The following STK39 variants were observed in gnomAD, a reference collection of about 807,000 sequenced individuals.
The protein encoded by STK39 is serine/threonine kinase 39, also known as STE20/SPS1-related proline-alanine-rich protein kinase.
A neutral mutation model predicts 77.8 loss-of-function variants in STK39; 20 were observed. The observed-to-expected ratio is 0.26, with a 90% CI of 0.18 to 0.37. STK39 has a LOEUF of 0.37. STK39 is among the 10% of genes least tolerant of loss of function. The probability of loss-of-function intolerance (pLI) is 1.00; values close to 1 mark genes in which losing one functional copy is unlikely to be tolerated. For synonymous variants in STK39, 246 were observed against 234.1 expected, an observed-to-expected ratio of 1.05 and a Z score of -0.47; for missense variants, 479 against 656.5, an observed-to-expected ratio of 0.73 and a Z score of 2.95.
chr2:167,962,293 T>TA (rs760652069), intron 17 of STK39, among the ~76,000 whole-genome samples: 1 of 152,198 alleles, frequency 6.6e-6, no homozygotes, highest in Non-Finnish European at 1.5e-5. Flanking sequence ...TGAATGAAGG[T>TA]AAATACATTT....
At chr2:168,190,588 A>G (rs1483157456) in intron 1 of STK39, among the ~76,000 whole-genome samples, 1 of 152,160 alleles carries the variant, frequency 6.6e-6, no homozygotes, top group Non-Finnish European at 1.5e-5. Flanking sequence ...GGCTAATATA[A>G]ACTAGGGACT....
chr2:168,026,950 T>A (rs1384071316), intron 14 of STK39, among the ~76,000 whole-genome samples: 1 of 152,192 alleles, frequency 6.6e-6, no homozygotes, highest in East Asian at 1.9e-4. Context: ...AGATCTGGTC[T>A]CTACACACAC....
chr2:168,236,133 T>C (rs1423273050), intron 1 of STK39, among the ~76,000 whole-genome samples: 3 of 152,106 alleles, frequency 2.0e-5, no homozygotes, highest in Non-Finnish European at 4.4e-5. Context: ...CCTGACTTTT[T>C]AATGATCACC....
At chr2:168,046,846 A>C (rs1276472584) in intron 14 of STK39, among the ~76,000 whole-genome samples, 1 of 152,246 alleles carries the variant, frequency 6.6e-6, no homozygotes, top group Admixed American at 6.5e-5. Flanking sequence ...ACTTTTTTAC[A>C]TTCCAAGTGA....
chr2:168,061,857 G>T (rs1390186616), intron 14 of STK39, among the ~76,000 whole-genome samples: 1 of 152,134 alleles, frequency 6.6e-6, no homozygotes, highest in Non-Finnish European at 1.5e-5. Flanking sequence ...CTAAAGTTAA[G>T]GTTCAGTAGT....
At chr2:168,009,778 T>G (rs1043400780) in intron 16 of STK39, among the ~76,000 whole-genome samples, 3 of 152,096 alleles carry the variant, frequency 2.0e-5, no homozygotes, top group African/African-American at 7.2e-5. Flanking sequence ...ATAATTTAGC[T>G]CCAAGAAGGG....
chr2:168,078,663 AAAG>A (rs938614019), intron 10 of STK39, among the ~76,000 whole-genome samples: 3 of 152,052 alleles, frequency 2.0e-5, no homozygotes, highest in African/African-American at 7.2e-5. Flanking sequence ...CTACTGAACA[AAAG>A]AAGAATTTAC....
At chr2:167,986,195 A>G (rs1353089725) in intron 16 of STK39, among the ~76,000 whole-genome samples, 2 of 152,176 alleles carry the variant, frequency 1.3e-5, no homozygotes, top group East Asian at 3.8e-4. Context: ...GCCAACTACA[A>G]TTGTGATGAT....
At chr2:168,002,865 G>A (rs1204334983) in intron 16 of STK39, among the ~76,000 whole-genome samples, 2 of 152,190 alleles carry the variant, frequency 1.3e-5, no homozygotes, top group Non-Finnish European at 2.9e-5. Flanking sequence ...TGCTCTCACT[G>A]CACATTCATT....
chr2:168,089,314 A>G (rs374518566), intron 10 of STK39, among the ~76,000 whole-genome samples: 3 of 152,344 alleles, frequency 2.0e-5, no homozygotes, highest in Admixed American at 6.5e-5. Flanking sequence ...TATCATTATG[A>G]GTTACACTGT....
chr2:168,201,916 G>A (rs1255031510), intron 1 of STK39, among the ~76,000 whole-genome samples: 2 of 152,206 alleles, frequency 1.3e-5, no homozygotes, highest in Non-Finnish European at 1.5e-5. Context: ...ATCTCTAGTT[G>A]TCATTAAAAG....
intron 1 of STK39, among the ~76,000 whole-genome samples, chr2:168,193,097 C>G (rs908524810): frequency 6.6e-6 from 1 of 152,182 alleles, no homozygotes; most frequent in Non-Finnish European, 1.5e-5. Context: ...CATGATGCAG[C>G]AAGTAACTAA....
chr2:168,011,393 C>T (rs1684267406), intron 16 of STK39, among the ~76,000 whole-genome samples: 1 of 151,984 alleles, frequency 6.6e-6, no homozygotes, highest in Non-Finnish European at 1.5e-5. Context: ...TTTAATAAGG[C>T]ATTATCATAA....
At chr2:167,983,714 A>G (rs1456758038) in intron 16 of STK39, among the ~76,000 whole-genome samples, 6 of 152,080 alleles carry the variant, frequency 3.9e-5, no homozygotes, top group Non-Finnish European at 8.8e-5. Context: ...GGACGCTGGG[A>G]ATGCAGCACT....
chr2:168,088,167 C>T (rs1686420049), intron 10 of STK39, among the ~76,000 whole-genome samples: 1 of 152,166 alleles, frequency 6.6e-6, no homozygotes. Context: ...ATTCTAATTT[C>T]ACTAAGATAT....
chr2:168,051,347 GCTA>G (rs1469870031), intron 14 of STK39, among the ~76,000 whole-genome samples: 1 of 152,156 alleles, frequency 6.6e-6, no homozygotes, highest in Non-Finnish European at 1.5e-5. Context: ...AAAATTTCAG[GCTA>G]CTATCAGGTA....
At chr2:167,960,647 G>A (rs1282754098) in intron 17 of STK39, among the ~76,000 whole-genome samples, 1 of 152,090 alleles carries the variant, frequency 6.6e-6, no homozygotes, top group Non-Finnish European at 1.5e-5. Flanking sequence ...CTCCCGCCAT[G>A]ACAGCAGGTG....
At chr2:167,994,755 T>C (rs1370546785) in intron 16 of STK39, among the ~76,000 whole-genome samples, 1 of 152,210 alleles carries the variant, frequency 6.6e-6, no homozygotes, top group Non-Finnish European at 1.5e-5. Flanking sequence ...GTTCATTTCA[T>C]AGAATTTTAA....
chr2:168,238,482 T>G, intron 1 of STK39, among the ~76,000 whole-genome samples: 1 of 152,248 alleles, frequency 6.6e-6, no homozygotes, highest in East Asian at 1.9e-4. Flanking sequence ...ATAATATGAA[T>G]GTAGAGGTCT....
Sources: allele counts gnomAD v4.1 joint callset (sites outside exome capture counted in the v4.1 genomes callset), GRCh38; gene constraint gnomAD v4.1.1; transcripts MANE v1.5; gene names NCBI Gene and HGNC (gene_info 2026-07-23, HGNC 2026-07-21).